TGFBR1: variants seen among roughly 807,000 people sequenced by gnomAD.
The protein encoded by TGFBR1 is transforming growth factor beta receptor 1.
A neutral mutation model predicts 55.1 loss-of-function variants in TGFBR1; 20 were observed. The observed-to-expected ratio is 0.36, with a 90% CI of 0.26 to 0.53. The LOEUF is 0.53. TGFBR1 is among the 20% of genes least tolerant of loss of function. The pLI, the probability that TGFBR1 is intolerant of heterozygous loss-of-function variation, is 0.91. For missense variants in TGFBR1, 385 were observed against 617.6 expected (o/e 0.62, Z 3.99); for synonymous variants, 220 against 214.8 (o/e 1.02, Z -0.21).
intron 1 of TGFBR1, among the ~76,000 whole-genome samples, chr9:99,122,393 ACCCTGGGTAG>A (rs987186510): frequency 6.6e-6 from 1 of 152,066 alleles, no homozygotes; most frequent in African/African-American, 2.4e-5. Flanking sequence ...TTGTGAATTA[ACCCTGGGTAG>A]CCCTGGCATT....
intron 5 of TGFBR1, among the ~76,000 whole-genome samples, chr9:99,144,147 G>A (rs1333714296): frequency 6.6e-6 from 1 of 152,104 alleles, no homozygotes; most frequent in Non-Finnish European, 1.5e-5. Flanking sequence ...GTTATCTTGG[G>A]TATATACCTA....
intron 8 of TGFBR1, 73 bp from the exon 9 acceptor site, chr9:99,149,107 C>A: frequency 6.8e-7 from 1 of 1,479,934 alleles, no homozygotes; most frequent in Non-Finnish European, 9.2e-7. Context: ...AGAAAATTTA[C>A]ACGTAAAAAT....
chr9:99,132,041 GT>G (rs945925537), intron 2 of TGFBR1, among the ~76,000 whole-genome samples: 18 of 147,232 alleles, frequency 1.2e-4, no homozygotes, highest in Middle Eastern at 3.5e-3. Flanking sequence ...GATGTATGTG[GT>G]TTTTTTTTTC....
chr9:99,124,531 G>A (rs528988797), intron 1 of TGFBR1, among the ~76,000 whole-genome samples: 215 of 151,760 alleles, frequency 1.4e-3, no homozygotes, highest in Non-Finnish European at 2.2e-3. Flanking sequence ...GGTTGGGGGG[G>A]GCAGTATCCA....
rs1274990489 is a variant in TGFBR1 at position 99,149,929 on chromosome 9, A to G, written c.*624A>G. The G allele has an allele frequency of 5.1e-6, 1 of 195,582 alleles. No individual in the cohort carries two copies. The highest frequency in any genetic ancestry group is 6.0e-5 in the Admixed American group (1 of 16,648). The allele number at this position is 195,582 out of a possible 1,614,324, so 12.1% of individuals were successfully genotyped here. On this transcript the variant is annotated 3_prime_UTR_variant, in exon 9 of 9. Transcript: ENST00000374994. ...ATTCAGAACATTACATGCCTTCAAA[A>G]TGGGATTGTACTATACCAGTAAGTG...
At position 99,142,710 on chromosome 9, in the gene TGFBR1, C is replaced by G. The variant is rs1423852087; in HGVS notation, c.973+7C>G. 1 of 1,613,796 alleles carries G rather than the reference C, an allele frequency of 6.2e-7. No homozygotes were observed. The highest frequency in any genetic ancestry group is 1.1e-5 in the South Asian group (1 of 91,070). On this transcript the variant is annotated splice_region_variant and intron_variant, in intron 5 of 8. Transcript: ENST00000374994. ...GAGATTGTTGGTACCCAAGGTAATT[C>G]TATAAGCAGTTCTATTATTTAAGCT... is the stretch of plus-strand genomic sequence containing the variant.
At chr9:99,111,602 C>T (rs905793032) in intron 1 of TGFBR1, among the ~76,000 whole-genome samples, 7 of 151,724 alleles carry the variant, frequency 4.6e-5, no homozygotes, top group Admixed American at 4.6e-4. Context: ...GCACTCCAGC[C>T]CGGGCGACAG....
intron 8 of TGFBR1, among the ~76,000 whole-genome samples, chr9:99,148,863 T>C (rs965986995): frequency 2.0e-5 from 3 of 151,634 alleles, no homozygotes; most frequent in African/African-American, 7.3e-5. Flanking sequence ...AAATTTGATG[T>C]GAATACTTCA....
chr9:99,118,090 A>C (rs1044155167), intron 1 of TGFBR1, among the ~76,000 whole-genome samples: 1 of 152,156 alleles, frequency 6.6e-6, no homozygotes, highest in Non-Finnish European at 1.5e-5. Context: ...GTTTATTCCT[A>C]GTTTTTAGAT....
At chr9:99,146,462 T>G in intron 6 of TGFBR1, 23 bp from the exon 7 acceptor site, 1 of 1,613,766 alleles carries the variant, frequency 6.2e-7, no homozygotes, top group East Asian at 2.2e-5. Context: ...ATTTTCAAAG[T>G]TCTTTTTGCA....
chr9:99,127,367 CA>C lies in TGFBR1; in HGVS notation c.98-1487del, dbSNP rs1564146249. Among the ~76,000 whole-genome samples, 7 of 152,334 alleles carry C rather than the reference CA, an allele frequency of 4.6e-5. No homozygotes were observed. The South Asian group carries it at 1.5e-3, about 32-fold the overall frequency. ...ATCTGCATGACAGGCTTCAGCCCCT[CA>C]GACTTCTCCTACCCGGCCCCCCAGC... is the stretch of plus-strand genomic sequence containing the variant. On this transcript the variant is annotated intron_variant, in intron 1 of 8. Coordinates refer to ENST00000374994, the MANE Select transcript of TGFBR1 (RefSeq NM_004612.4).
chr9:99,148,096 G>A (rs1452889976), intron 8 of TGFBR1, among the ~76,000 whole-genome samples: 1 of 152,080 alleles, frequency 6.6e-6, no homozygotes, highest in African/African-American at 2.4e-5. Flanking sequence ...GACAGTTACC[G>A]GACATGAATG....
At chr9:99,126,367 C>T (rs534130180) in intron 1 of TGFBR1, among the ~76,000 whole-genome samples, 9 of 152,236 alleles carry the variant, frequency 5.9e-5, no homozygotes, top group Admixed American at 3.3e-4. Flanking sequence ...TTATGTATAG[C>T]GGTTACCACA....
intron 4 of TGFBR1, among the ~76,000 whole-genome samples, chr9:99,142,318 C>CAT (rs1450142697): frequency 6.6e-6 from 1 of 152,168 alleles, no homozygotes; most frequent in Non-Finnish European, 1.5e-5. Context: ...TTATACTTGC[C>CAT]TTATCTCAAG....
intron 3 of TGFBR1, among the ~76,000 whole-genome samples, chr9:99,137,086 C>T (rs1378612822): frequency 6.6e-6 from 1 of 152,032 alleles, no homozygotes; most frequent in Non-Finnish European, 1.5e-5. Flanking sequence ...TTGGAGAAAG[C>T]CAAGTTCCAT....
intron 8 of TGFBR1, 68 bp downstream of exon 8, chr9:99,147,852 A>G: frequency 6.3e-7 from 1 of 1,587,232 alleles, no homozygotes; most frequent in Non-Finnish European, 8.6e-7. Flanking sequence ...AAAGTTTGCT[A>G]CTTTTCTTTA....
At chr9:99,117,615 C>T (rs1826785628) in intron 1 of TGFBR1, among the ~76,000 whole-genome samples, 1 of 151,892 alleles carries the variant, frequency 6.6e-6, no homozygotes, top group South Asian at 2.1e-4. Flanking sequence ...AACCTTTTTT[C>T]CCCCAGTGTA....
rs1473971747 is a variant in TGFBR1, at chr9:99,139,198, T to A, written c.805+1109T>A. 1.6e-3 allele frequency among the ~76,000 whole-genome samples: 226 copies of A among 142,040 alleles called. 2 individuals are homozygous for A. Among genetic ancestry groups the A allele is most frequent in the Admixed American group, 0.014 (199 of 14,298 alleles). 93.2% of individuals were successfully genotyped at this position (142,040 alleles called of 152,430 possible). On this transcript the variant is annotated intron_variant, in intron 4 of 8. Transcript: ENST00000374994. ...AAATGTATTTCCCAGCTTTCCTATT[T>A]AAAAAAAAAAAAAAATGCTGTCATT... is the stretch of plus-strand genomic sequence containing the variant.
chr9:99,132,505 T>C lies in TGFBR1; in HGVS notation c.344-4T>C. ...TGTTTATTTCACTCGAGGCCCTTTT[T>C]CAGTAAAGTCATCACCTGGCCTTGG... On this transcript the variant is annotated splice_region_variant and splice_polypyrimidine_tract_variant and intron_variant, in intron 2 of 8. Coordinates refer to ENST00000374994, the MANE Select transcript of TGFBR1 (RefSeq NM_004612.4). 6.2e-7 allele frequency: 1 copy of C among 1,614,018 alleles called. No individual in the cohort carries two copies. Among genetic ancestry groups the C allele is most frequent in the Non-Finnish European group, 8.5e-7 (1 of 1,180,026 alleles).
Sources: gnomAD v4.1 joint callset for allele counts (sites outside exome capture counted in the v4.1 genomes callset) on GRCh38, gnomAD v4.1.1 for gene constraint, MANE v1.5 for transcripts, NCBI Gene and HGNC (gene_info 2026-07-23, HGNC 2026-07-21) for gene names.